The following FHAD1 variants were observed in gnomAD, a reference collection of about 807,000 sequenced individuals.
FHAD1 encodes forkhead associated phosphopeptide binding domain 1.
In FHAD1, 146 loss-of-function variants were observed where a neutral mutation model predicts 191.3. That is an observed-to-expected ratio of 0.76 (90% CI 0.67 to 0.88). The LOEUF is 0.88. Ranked by LOEUF, FHAD1 falls within the 40% of genes least tolerant of loss-of-function variation. The probability of loss-of-function intolerance (pLI) is 0.00; values close to 1 mark genes in which losing one functional copy is unlikely to be tolerated. For missense variants in FHAD1, 1,635 were observed against 1,785.8 expected (o/e 0.92, Z 1.52); for synonymous variants, 616 against 672.3 (o/e 0.92, Z 1.29).
chr1:15,375,684 A>T lies in FHAD1; in HGVS notation c.3659A>T (p.Asp1220Val), dbSNP rs1699381586. 3 of 1,547,452 alleles carry T rather than the reference A, an allele frequency of 1.9e-6. No individual in the cohort carries two copies. The African/African-American group carries it at 4.1e-5, about 21-fold the overall frequency. Residue 1220 changes from aspartate (D) to valine (V), a missense_variant, in exon 28 of 34, where the codon GAT (aspartate) becomes GTT (valine). Physicochemically the swap from Asp to Val is radical, Grantham distance 152. Transcript: ENST00000688493. The part of the protein sequence containing the change: ...MENNVQKILL[D>V]AKPDLPTLSR... ...AACAATGTCCAGAAAATACTACTGG[A>T]TGCAAAACCGGATTTGCCAACTCTC...
At chr1:15,248,684 C>T (rs1646400803) in intron 1 of FHAD1, among the ~76,000 whole-genome samples, 1 of 151,716 alleles carries the variant, frequency 6.6e-6, no homozygotes, top group Admixed American at 6.6e-5. Context: ...TGCACGGTTT[C>T]AAGTGATTCT....
intron 28 of FHAD1, among the ~76,000 whole-genome samples, chr1:15,376,261 T>C (rs575769083): frequency 6.6e-6 from 1 of 151,938 alleles, no homozygotes; most frequent in Admixed American, 6.6e-5. Context: ...GGCTAATTTT[T>C]TTGTATTTTT....
Position 15,360,663 on chromosome 1 carries a change from A to T in FHAD1, c.2922A>T (p.Lys974Asn), listed in dbSNP as rs957476817. 6.4e-7 allele frequency: 1 copy of T among 1,551,764 alleles called. No individual in the cohort carries two copies. Among genetic ancestry groups the T allele is most frequent in the African/African-American group, 1.4e-5 (1 of 73,058 alleles). ...KLQKVTQHHK[K>N]IEGEIATLKD... ...AGAAAGTCACTCAGCACCATAAAAA[A>T]ATAGAAGGCGAGATTGCAACATTGA... is the stretch of plus-strand genomic sequence containing the variant. Residue 974 changes from lysine (K) to asparagine (N), a missense_variant, in exon 22 of 34, where the codon AAA becomes AAT. By Grantham distance (94) the Lys-to-Asn change is moderately conservative (BLOSUM62 0). Coordinates refer to ENST00000688493, the MANE Select transcript of FHAD1 (RefSeq NM_001391957.1).
chr1:15,317,371 C>G (rs1024903040), intron 9 of FHAD1, among the ~76,000 whole-genome samples: 1 of 152,184 alleles, frequency 6.6e-6, no homozygotes, highest in Non-Finnish European at 1.5e-5. Context: ...CTCTTCCCCA[C>G]GCCAGCACCG....
At chr1:15,339,104 C>G (rs1685481407) in intron 14 of FHAD1, among the ~76,000 whole-genome samples, 1 of 152,170 alleles carries the variant, frequency 6.6e-6, no homozygotes, top group African/African-American at 2.4e-5. Flanking sequence ...GCAACCTCTG[C>G]CTTCCAGTTT....
intron 31 of FHAD1, among the ~76,000 whole-genome samples, chr1:15,384,903 G>T (rs1308794064): frequency 6.6e-6 from 1 of 152,144 alleles, no homozygotes; most frequent in Non-Finnish European, 1.5e-5. Flanking sequence ...GGAGGTCGGA[G>T]GGCAGTGTCA....
chr1:15,310,509 T>C (rs1369469661), intron 7 of FHAD1, among the ~76,000 whole-genome samples: 1 of 152,112 alleles, frequency 6.6e-6, no homozygotes, highest in African/African-American at 2.4e-5. Context: ...ACTCCTCTAA[T>C]CAAGGAGTCA....
chr1:15,374,860 G>C (rs10159174), intron 27 of FHAD1, among the ~76,000 whole-genome samples: 32,999 of 138,946 alleles, frequency 0.24, 4,067 homozygotes, highest in Middle Eastern at 0.36. Flanking sequence ...TTTTTTTTTT[G>C]TTTGTTTTTT....
intron 3 of FHAD1, 60 bp downstream of exon 3, chr1:15,272,589 G>C: frequency 6.9e-7 from 1 of 1,452,088 alleles, no homozygotes; most frequent in South Asian, 1.3e-5. Context: ...CCCGGCGCTC[G>C]GATGCAGCTG....
In FHAD1 at chr1:15,358,178, T is replaced by C; in HGVS notation, c.2631T>C (p.Val877=). 1 of 1,539,208 alleles carries C rather than the reference T, an allele frequency of 6.5e-7. No homozygotes were observed. The highest frequency in any genetic ancestry group is 1.2e-5 in the South Asian group (1 of 80,892). Residue 877 remains valine (V), a synonymous_variant, in exon 21 of 34, where the codon GTT becomes GTC. Transcript: ENST00000688493. ...AATTAAGTGACGCACTGGCCATGGT[T>C]GAAGAGACTCAGAAAACAAAGGCAA... ...NNKLSDALAM[V]EETQKTKATE... is the part of the protein sequence containing the mutation.
intron 6 of FHAD1, chr1:15,305,635 A>G: frequency 4.4e-6 from 1 of 226,578 alleles, no homozygotes; most frequent in South Asian, 4.6e-5. Flanking sequence ...GCAGGAGGTA[A>G]TTGAATCATG....
chr1:15,316,258 TG>T lies in FHAD1; in HGVS notation c.1171-118del. On this transcript the variant is annotated intron_variant, in intron 8 of 33. Transcript: ENST00000688493. This position sits in a 1 kb window ranked among gnomAD's most constrained non-coding sequence, Gnocchi z 4.3. ...GCCTTTTGGGATCTCAGTGCGTGAC[TG>T]GATGGAAACAGCAGGAAATGCTCTC... is the stretch of plus-strand genomic sequence containing the variant. The T allele has an allele frequency of 1.3e-6, 1 of 762,322 alleles. No homozygotes were observed. The highest frequency in any genetic ancestry group is 2.2e-6 in the Non-Finnish European group (1 of 458,680). 47.2% of individuals were successfully genotyped at this position (762,322 alleles called of 1,614,324 possible). A position where few individuals can be genotyped will look rare whatever the true frequency, so the allele number is the denominator to read the frequency against.
At chr1:15,252,442 G>A (rs1646896930) in intron 2 of FHAD1, among the ~76,000 whole-genome samples, 1 of 152,218 alleles carries the variant, frequency 6.6e-6, no homozygotes, top group Non-Finnish European at 1.5e-5. Flanking sequence ...TAATGCCCAG[G>A]TGTTGCCATG....
At chr1:15,274,292 G>A (rs1657384816) in intron 3 of FHAD1, among the ~76,000 whole-genome samples, 1 of 152,128 alleles carries the variant, frequency 6.6e-6, no homozygotes. Flanking sequence ...ACTTCTGAAG[G>A]AGCAAAAGAA....
At chr1:15,347,355 C>T (rs1262089586) in intron 18 of FHAD1, among the ~76,000 whole-genome samples, 1 of 152,230 alleles carries the variant, frequency 6.6e-6, no homozygotes, top group Non-Finnish European at 1.5e-5. Context: ...TGGGTCACCC[C>T]GCGTCTGTTA....
chr1:15,313,278 G>C, intron 8 of FHAD1, 91 bp downstream of exon 8: 1 of 1,146,012 alleles, frequency 8.7e-7, no homozygotes, highest in Non-Finnish European at 1.1e-6. Flanking sequence ...TTCACCCTGG[G>C]CCCTTAGTTT....
chr1:15,242,974 A>G (rs1327963866), upstream of FHAD1, among the ~76,000 whole-genome samples: 1 of 152,222 alleles, frequency 6.6e-6, no homozygotes, highest in Non-Finnish European at 1.5e-5. Context: ...CAAACAAAAT[A>G]CAACAAAAAC....
At chr1:15,352,554 A>T (rs77611983) in intron 19 of FHAD1, among the ~76,000 whole-genome samples, 2 of 152,180 alleles carry the variant, frequency 1.3e-5, no homozygotes, top group African/African-American at 4.8e-5. Context: ...GTGCCAGCAC[A>T]TGCCAGTTTA....
downstream of FHAD1, among the ~76,000 whole-genome samples, chr1:15,402,101 G>A (rs1247114387): frequency 6.6e-6 from 1 of 152,180 alleles, no homozygotes; most frequent in East Asian, 1.9e-4. Context: ...CTGGCTAACT[G>A]TGGTCTTATC....
Sources: gnomAD v4.1 joint callset for allele counts (sites outside exome capture counted in the v4.1 genomes callset) on GRCh38, gnomAD v4.1.1 for gene constraint, Gnocchi (gnomAD v3.1) non-coding constraint, MANE v1.5 for transcripts, NCBI Gene and HGNC (gene_info 2026-07-23, HGNC 2026-07-21) for gene names.